The following COPG2 variants were observed in gnomAD, a reference collection of about 807,000 sequenced individuals.
COPG2 encodes the protein coat protein complex I subunit gamma 2, also known as coatomer subunit gamma-2.
COPG2 carries 37 observed loss-of-function variants against 46.3 expected under a neutral mutation model. The observed-to-expected ratio is 0.80, with a 90% CI of 0.61 to 1.05. COPG2 has a LOEUF of 1.05. COPG2 is among the 50% of genes least tolerant of loss of function. COPG2 has a pLI of 0.00. For missense variants in COPG2, 427 were observed against 387.8 expected (o/e 1.10, Z -0.85); for synonymous variants, 159 against 129.7 (o/e 1.23, Z -1.53).
At chr7:130,587,071 C>G (rs797029395) in intron 9 of COPG2, among the ~76,000 whole-genome samples, 3 of 151,916 alleles carry the variant, frequency 2.0e-5, no homozygotes, top group African/African-American at 7.2e-5. Flanking sequence ...CTTTAGGAGG[C>G]GGAGGCAGGC....
rs782766751 is a variant in COPG2, at chr7:130,612,204, C to T, written c.527G>A (p.Arg176His). 39 of 1,608,792 alleles carry T rather than the reference C, an allele frequency of 2.4e-5. No individual in the cohort carries two copies. Among genetic ancestry groups the T allele is most frequent in the African/African-American group, 5.4e-5 (4 of 74,546 alleles). ...AGCTTCTTGGGCTTCATTGATCCAG[C>T]GCTTAACCACATCATAGCTTATCTT... is the stretch of plus-strand genomic sequence containing the variant. ...MMKISYDVVK[R>H]WINEAQEAAS... is the part of the protein sequence containing the mutation. The change falls in exon 8 of 24, where the codon CGC becomes CAC. Residue 176 changes from arginine to histidine, a missense_variant. Transcript: ENST00000425248.
intron 12 of COPG2, among the ~76,000 whole-genome samples, chr7:130,557,885 G>A (rs1793657282): frequency 7.3e-6 from 1 of 136,528 alleles, no homozygotes; most frequent in Non-Finnish European, 1.5e-5. Context: ...GAACTATGAT[G>A]GAGGGCTAAG....
At chr7:130,539,749 C>CA (rs1324184228) in intron 20 of COPG2, among the ~76,000 whole-genome samples, 1 of 152,058 alleles carries the variant, frequency 6.6e-6, no homozygotes, top group Non-Finnish European at 1.5e-5. Flanking sequence ...GAGGGGCCCC[C>CA]AGGGAAGGAT....
chr7:130,550,166 T>C (rs1475362621), intron 17 of COPG2, among the ~76,000 whole-genome samples: 2 of 152,048 alleles, frequency 1.3e-5, no homozygotes, highest in Non-Finnish European at 2.9e-5. Context: ...ATCCTAGCAC[T>C]GTGGGAGGCC....
intron 6 of COPG2, among the ~76,000 whole-genome samples, chr7:130,616,041 G>C (rs1794943533): frequency 6.6e-6 from 1 of 152,198 alleles, no homozygotes; most frequent in Non-Finnish European, 1.5e-5. Flanking sequence ...GTTTTATCTG[G>C]AAGCCAGAAG....
At chr7:130,526,626 AG>A in intron 20 of COPG2, among the ~76,000 whole-genome samples, 1 of 151,966 alleles carries the variant, frequency 6.6e-6, no homozygotes, top group Non-Finnish European at 1.5e-5. Context: ...AGTGAGGTGA[AG>A]GGGCAGGTCC....
At position 130,668,692 on chromosome 7, in the gene COPG2, G is replaced by A. The variant is rs565828995; in HGVS notation, c.-24C>T. ...ATCTTGGACGACTTCCCAGCGCCCA[G>A]ACCCACCGCAACCGTCCCAGGCGCC... On this transcript the variant is annotated 5_prime_UTR_variant, in exon 1 of 24. Coordinates refer to ENST00000425248, the MANE Select transcript of COPG2 (RefSeq NM_012133.6). 5 of 1,525,790 alleles carry A rather than the reference G, an allele frequency of 3.3e-6. No individual in the cohort carries two copies. Among genetic ancestry groups the A allele is most frequent in the Non-Finnish European group, 3.5e-6 (4 of 1,137,582 alleles). The allele number at this position is 1,525,790 out of a possible 1,614,324, so 94.5% of individuals were successfully genotyped here.
At chr7:130,538,498 G>T (rs1488331357) in intron 20 of COPG2, among the ~76,000 whole-genome samples, 1 of 152,070 alleles carries the variant, frequency 6.6e-6, no homozygotes, top group Non-Finnish European at 1.5e-5. Context: ...TCTTATCAAG[G>T]CCAACCCATA....
intron 20 of COPG2, 53 bp from the exon 21 acceptor site, chr7:130,508,712 T>C (rs1554440588): frequency 1.4e-6 from 1 of 707,252 alleles, no homozygotes; most frequent in East Asian, 2.7e-5. Flanking sequence ...AGGGAGACGT[T>C]TCCATCATTC....
intron 7 of COPG2, among the ~76,000 whole-genome samples, chr7:130,612,720 A>C (rs1384472789): frequency 6.6e-6 from 1 of 152,198 alleles, no homozygotes; most frequent in African/African-American, 2.4e-5. Flanking sequence ...TTAATGTATA[A>C]ATTGTGTTCT....
chr7:130,528,217 G>C (rs1038068460), intron 20 of COPG2, among the ~76,000 whole-genome samples: 2 of 152,090 alleles, frequency 1.3e-5, no homozygotes, highest in South Asian at 2.1e-4. Context: ...CAGGTGGAGT[G>C]GGGACAGCAG....
chr7:130,538,738 T>C (rs1799908716), intron 20 of COPG2, among the ~76,000 whole-genome samples: 1 of 151,998 alleles, frequency 6.6e-6, no homozygotes, highest in Admixed American at 6.6e-5. Flanking sequence ...AGAAAGATAC[T>C]TGCAAGTGTT....
Position 130,617,034 on chromosome 7 carries a change from C to CTAT in COPG2, c.354_355insATA (p.Asp118_Val119insIle). ...GCTCTGATGGCCGGGCCTCGGTATA[C>CTAT]ATCTTCTTTTCCAGTCATGTCTTTA... On this transcript the variant is annotated inframe_insertion, in exon 6 of 24. Coordinates refer to ENST00000425248, the MANE Select transcript of COPG2 (RefSeq NM_012133.6). The CTAT allele has an allele frequency of 6.2e-7, 1 of 1,610,912 alleles. No individual in the cohort carries two copies.
At chr7:130,601,886 A>AGAAG (rs1190580860) in intron 9 of COPG2, among the ~76,000 whole-genome samples, 96 of 144,580 alleles carry the variant, frequency 6.6e-4, no homozygotes, top group South Asian at 1.4e-3. Flanking sequence ...AAGGAAGCAA[A>AGAAG]GAAGGAAGGA....
At chr7:130,553,345 T>A (rs1793563623) in intron 14 of COPG2, among the ~76,000 whole-genome samples, 1 of 152,110 alleles carries the variant, frequency 6.6e-6, no homozygotes, top group African/African-American at 2.4e-5. Context: ...CCTTTTCTTT[T>A]TTTTTTAGCA....
intron 9 of COPG2, chr7:130,605,122 C>CT (rs1204613194): frequency 4.4e-5 from 22 of 498,360 alleles, no homozygotes; most frequent in Non-Finnish European, 1.6e-5. Context: ...TCCCACAGTT[C>CT]TTCGAGGCTC....
At chr7:130,571,759 G>T (rs543903530) in intron 9 of COPG2, among the ~76,000 whole-genome samples, 5 of 152,182 alleles carry the variant, frequency 3.3e-5, no homozygotes, top group African/African-American at 1.2e-4. Context: ...GTTTATAGCA[G>T]CACAATTCAC....
chr7:130,644,519 C>G (rs1461435677), intron 5 of COPG2, among the ~76,000 whole-genome samples: 1 of 152,144 alleles, frequency 6.6e-6, no homozygotes, highest in Non-Finnish European at 1.5e-5. Flanking sequence ...ACATAGTGAT[C>G]AAGGTGCTCC....
intron 9 of COPG2, chr7:130,603,896 T>C (rs1217523825): frequency 1.9e-6 from 1 of 516,192 alleles, no homozygotes; most frequent in Non-Finnish European, 3.9e-6. Flanking sequence ...CTACTATTAA[T>C]CATCTTGTTG....
Sources: allele counts gnomAD v4.1 joint callset (sites outside exome capture counted in the v4.1 genomes callset), GRCh38; gene constraint gnomAD v4.1.1; transcripts MANE v1.5; gene names NCBI Gene and HGNC (gene_info 2026-07-23, HGNC 2026-07-21).